Variants in GRM1 observed in about 807,000 individuals in gnomAD.
The protein encoded by GRM1 is glutamate metabotropic receptor 1.
GRM1 carries 33 observed loss-of-function variants against 90.9 expected under a neutral mutation model. That is an observed-to-expected ratio of 0.36 (90% CI 0.28 to 0.49). The LOEUF is 0.49. Ranked by LOEUF, GRM1 falls within the 20% of genes least tolerant of loss-of-function variation. The probability of loss-of-function intolerance (pLI) is 0.99; values close to 1 mark genes in which losing one functional copy is unlikely to be tolerated. For synonymous variants in GRM1, 700 were observed against 613.2 expected, an observed-to-expected ratio of 1.14 and a Z score of -2.09; for missense variants, 1,190 against 1,534.3, an observed-to-expected ratio of 0.78 and a Z score of 3.75.
chr6:146,075,941 G>C (rs548639074), intron 1 of GRM1, among the ~76,000 whole-genome samples: 67 of 152,298 alleles, frequency 4.4e-4, no homozygotes, highest in Non-Finnish European at 7.4e-4. Flanking sequence ...TAAATCTACA[G>C]AGACCCTATG....
intron 1 of GRM1, among the ~76,000 whole-genome samples, chr6:146,129,801 A>C (rs1040318969): frequency 6.6e-6 from 1 of 152,212 alleles, no homozygotes. Context: ...ATGTTGTGCC[A>C]GTCGGGGCTT....
chr6:146,270,781 T>A (rs927148462), intron 2 of GRM1, among the ~76,000 whole-genome samples: 10 of 151,754 alleles, frequency 6.6e-5, no homozygotes, highest in African/African-American at 2.4e-4. Flanking sequence ...AATTGCAGAG[T>A]TTTTAATATT....
Position 146,258,912 on chromosome 6 carries a change from A to G in GRM1, c.951-45699A>G, listed in dbSNP as rs1043682042. Among the ~76,000 whole-genome samples, 4 of 152,198 alleles carry G rather than the reference A, an allele frequency of 2.6e-5. No homozygotes were observed. In the South Asian group the frequency reaches 6.2e-4, roughly 24 times the overall value. On this transcript the variant is annotated intron_variant, in intron 2 of 7. Coordinates refer to ENST00000282753, the MANE Select transcript of GRM1 (RefSeq NM_001278064.2). ...CTAGCTGCAGCATCTTGTTCAATGCATTGAAATAATAGATATACATTTGCT... is the reference window on the plus strand; with the variant it reads ...CTAGCTGCAGCATCTTGTTCAATGCGTTGAAATAATAGATATACATTTGCT...
Position 146,304,699 on chromosome 6 carries a change from G to T in GRM1, c.1039G>T (p.Val347Phe). ...CACGATAAAGCTGCAGTCTCCAGAG[G>T]TCAGGTCATTTGATGATTATTTCCT... The part of the protein sequence containing the change: ...GITIKLQSPE[V>F]RSFDDYFLKL... Residue 347 changes from valine to phenylalanine, a missense_variant, in exon 3 of 8, where the codon GTC becomes TTC. This residue lies in a region of GRM1 where 414 missense variants were observed against 598.4 expected (regional missense o/e 0.69). Coordinates refer to ENST00000282753, the MANE Select transcript of GRM1 (RefSeq NM_001278064.2). The T allele has an allele frequency of 6.2e-7, 1 of 1,613,870 alleles. No individual in the cohort carries two copies. The highest frequency in any genetic ancestry group is 8.5e-7 in the Non-Finnish European group (1 of 1,179,840).
chr6:146,093,958 G>A (rs1244988222), intron 1 of GRM1, among the ~76,000 whole-genome samples: 2 of 152,012 alleles, frequency 1.3e-5, no homozygotes, highest in African/African-American at 4.8e-5. Flanking sequence ...CTAAAATATA[G>A]TAAGAAAATG....
chr6:146,314,837 A>G (rs1783910928), intron 3 of GRM1, among the ~76,000 whole-genome samples: 1 of 152,120 alleles, frequency 6.6e-6, no homozygotes, highest in South Asian at 2.1e-4. Context: ...ATGATTTCTA[A>G]TTAGCTAGAT....
intron 3 of GRM1, among the ~76,000 whole-genome samples, chr6:146,325,553 G>C (rs1336514407): frequency 6.6e-6 from 1 of 152,174 alleles, no homozygotes; most frequent in Non-Finnish European, 1.5e-5. Context: ...GCTGTACCAT[G>C]CTCTCTTAGT....
At chr6:146,417,388 C>T (rs1777826312) in intron 7 of GRM1, among the ~76,000 whole-genome samples, 1 of 152,128 alleles carries the variant, frequency 6.6e-6, no homozygotes, top group South Asian at 2.1e-4. Flanking sequence ...ATCTTGATCC[C>T]TCCCTTTTAT....
intron 2 of GRM1, among the ~76,000 whole-genome samples, chr6:146,271,627 G>A (rs1315125582): frequency 1.3e-5 from 2 of 152,148 alleles, no homozygotes; most frequent in East Asian, 3.9e-4. Flanking sequence ...ATTAAGTTTT[G>A]TAAGCATAGA....
chr6:146,244,444 G>A lies in GRM1; in HGVS notation c.951-60167G>A, dbSNP rs567665526. On this transcript the variant is annotated intron_variant, in intron 2 of 7. Coordinates refer to ENST00000282753, the MANE Select transcript of GRM1 (RefSeq NM_001278064.2). ...GGTCCCTGACTTCCATTAACACTTC[G>A]TAGTAAAAGTCTGTTCAGTAAATGT... Among the ~76,000 whole-genome samples the A allele has an allele frequency of 1.9e-4, 29 of 152,244 alleles. 1 individual carries two copies. Among genetic ancestry groups the A allele is most frequent in the South Asian group, 1.7e-3 (8 of 4,828 alleles).
At chr6:146,237,103 T>C (rs567653055) in intron 2 of GRM1, among the ~76,000 whole-genome samples, 1 of 152,216 alleles carries the variant, frequency 6.6e-6, no homozygotes, top group East Asian at 1.9e-4. Context: ...TTGTTTTTCC[T>C]TAGATTTGAG....
intron 1 of GRM1, among the ~76,000 whole-genome samples, chr6:146,146,611 G>A (rs1334530490): frequency 6.6e-6 from 1 of 152,102 alleles, no homozygotes; most frequent in Admixed American, 6.6e-5. Flanking sequence ...CCCCAATGTG[G>A]TAGTATTGAG....
intron 2 of GRM1, among the ~76,000 whole-genome samples, chr6:146,264,536 G>A (rs1217160417): frequency 6.6e-6 from 1 of 150,896 alleles, no homozygotes; most frequent in African/African-American, 2.4e-5. Flanking sequence ...TTTTTTTTTA[G>A]ATTCGGGGGT....
At chr6:146,112,461 T>A (rs1029251140) in intron 1 of GRM1, among the ~76,000 whole-genome samples, 2 of 152,166 alleles carry the variant, frequency 1.3e-5, no homozygotes, top group Admixed American at 1.3e-4. Context: ...TTTGAAGGTT[T>A]ATTTCTTCTT....
At chr6:146,031,444 C>G (rs1279079232) in intron 1 of GRM1, among the ~76,000 whole-genome samples, 1 of 152,032 alleles carries the variant, frequency 6.6e-6, no homozygotes, top group Non-Finnish European at 1.5e-5. Context: ...TAGAAATTGA[C>G]AGCATCCATA....
intron 1 of GRM1, among the ~76,000 whole-genome samples, chr6:146,039,042 A>G (rs1339217794): frequency 6.6e-6 from 1 of 151,932 alleles, no homozygotes. Context: ...TCCTATCTCA[A>G]TTTTTATGTT....
intron 4 of GRM1, among the ~76,000 whole-genome samples, chr6:146,355,610 A>T (rs1183738984): frequency 1.3e-5 from 2 of 152,136 alleles, no homozygotes; most frequent in Non-Finnish European, 2.9e-5. Flanking sequence ...ATGCATTTGC[A>T]CATTAAGAAC....
chr6:146,314,893 A>G (rs1214526449), intron 3 of GRM1, among the ~76,000 whole-genome samples: 1 of 152,110 alleles, frequency 6.6e-6, no homozygotes, highest in African/African-American at 2.4e-5. Flanking sequence ...TCTCTGAACA[A>G]TTTCCTGAGT....
At chr6:146,357,773 A>C in intron 5 of GRM1, 79 bp downstream of exon 5, 1 of 1,137,934 alleles carries the variant, frequency 8.8e-7, no homozygotes, top group Non-Finnish European at 1.3e-6. Flanking sequence ...AACACAGACA[A>C]TTTTAAAAAC....
Sources: gnomAD v4.1 joint callset for allele counts (sites outside exome capture counted in the v4.1 genomes callset) on GRCh38, gnomAD v4.1.1 for gene constraint, gnomAD v4.1.1 regional missense constraint, MANE v1.5 for transcripts, NCBI Gene and HGNC (gene_info 2026-07-23, HGNC 2026-07-21) for gene names.